IQCF3: variants seen among roughly 807,000 people sequenced by gnomAD.
The protein encoded by IQCF3 is IQ motif containing F3.
In IQCF3, 7 loss-of-function variants were observed where a neutral mutation model predicts 5.1. The ratio of observed to expected loss-of-function variants is 1.36; its 90% CI spans 0.78 to 2.56. IQCF3 has a LOEUF of 2.56. Ranked by LOEUF, IQCF3 falls within the 30% of genes most tolerant of loss-of-function variation. The pLI, the probability that IQCF3 is intolerant of heterozygous loss-of-function variation, is 0.00. For synonymous variants in IQCF3, 82 were observed against 72.8 expected (o/e 1.13, Z -0.64); for missense variants, 189 against 196.5 (o/e 0.96, Z 0.23).
rs778544570 is a variant in IQCF3 at position 51,830,662 on chromosome 3, A to C, written c.326A>C (p.Tyr109Ser). Residue 109 changes from tyrosine (Y) to serine (S), a missense_variant, in exon 3 of 3, where the codon TAC becomes TCC. Physicochemically the swap from Tyr to Ser is moderately radical, Grantham distance 144. Coordinates refer to ENST00000440739, the MANE Select transcript of IQCF3 (RefSeq NM_001393887.1). This position sits in a 1 kb window ranked among gnomAD's most constrained non-coding sequence, Gnocchi z 4.1. ...CIRMWQCRQC[Y>S]RQMCNALCLF... Reference sequence around the variant, plus strand: ...CGCATGTGGCAGTGCCGGCAATGTTACCGCCAAATGTGCAATGCTCTCTGC... The same window carrying C: ...CGCATGTGGCAGTGCCGGCAATGTTCCCGCCAAATGTGCAATGCTCTCTGC... The C allele has an allele frequency of 1.9e-6, 3 of 1,614,022 alleles. No individual in the cohort carries two copies. The Admixed American group carries it at 5.0e-5, about 27-fold the overall frequency.
upstream of IQCF3, among the ~76,000 whole-genome samples, chr3:51,827,980 GAGACAATT>G (rs1281020802): frequency 6.6e-6 from 1 of 152,168 alleles, no homozygotes; most frequent in African/African-American, 2.4e-5. Flanking sequence ...GCAGAACTGT[GAGACAATT>G]AAACCTCTTT....
chr3:51,827,055 A>G (rs1481125859), upstream of IQCF3: 1 of 152,618 alleles, frequency 6.6e-6, no homozygotes, highest in African/African-American at 2.4e-5. Flanking sequence ...ACAGTGGTGC[A>G]GCGGTCCATG....
chr3:51,830,327 A>C lies in IQCF3; in HGVS notation c.67-76A>C, dbSNP rs1287956895. 53 of 1,491,692 alleles carry C rather than the reference A, an allele frequency of 3.6e-5. No homozygotes were observed. The highest frequency in any genetic ancestry group is 4.7e-5 in the Non-Finnish European group (52 of 1,115,712). The allele number at this position is 1,491,692 out of a possible 1,614,324, so 92.4% of individuals were successfully genotyped here. A position where few individuals can be genotyped will look rare whatever the true frequency, so the allele number is the denominator to read the frequency against. ...CTGGGTCCTCAAAACCAGCAGGGAG[A>C]GGGCTGATTCTTTAGAGAACCACCT... On this transcript the variant is annotated intron_variant, in intron 2 of 2. Coordinates refer to ENST00000440739, the MANE Select transcript of IQCF3 (RefSeq NM_001393887.1). This position sits in a 1 kb window ranked among gnomAD's most constrained non-coding sequence, Gnocchi z 4.1.
upstream of IQCF3, among the ~76,000 whole-genome samples, chr3:51,827,914 CTTGGTTTCCTGTTCCTATG>C (rs761156271): frequency 1.8e-4 from 27 of 152,076 alleles, no homozygotes; most frequent in Non-Finnish European, 3.8e-4. Context: ...ATATGTGGTA[CTTGGTTTCCTGTTCCTATG>C]TTGGTTTACT....
chr3:51,829,886 T>C, intron 2 of IQCF3, 174 bp downstream of exon 2: 2 of 653,116 alleles, frequency 3.1e-6, no homozygotes, highest in South Asian at 3.8e-5. Flanking sequence ...GGGAGGAAGT[T>C]TCGTGCGCAC....
chr3:51,826,936 A>C (rs1382793482), upstream of IQCF3: 4 of 152,576 alleles, frequency 2.6e-5, no homozygotes, highest in African/African-American at 9.7e-5. Context: ...TCCAGTAAGT[A>C]GGAGAGTCCT....
At chr3:51,829,595 G>C in intron 1 of IQCF3, 70 bp from the exon 2 acceptor site, 1 of 1,597,530 alleles carries the variant, frequency 6.3e-7, no homozygotes, top group Non-Finnish European at 8.5e-7. Flanking sequence ...ATGGGGAACT[G>C]GGCCTGTGGG....
Position 51,829,643 on chromosome 3 carries a change from C to G in IQCF3, c.19-22C>G, listed in dbSNP as rs371101520. The G allele has an allele frequency of 3.2e-5, 51 of 1,613,044 alleles. No individual in the cohort carries two copies. The African/African-American group carries it at 5.3e-4, about 17-fold the overall frequency. ...AGGCTGGTCCTCACCCATGCTCCCC[C>G]ACACCCATATTCCGATTGCAGAAAG... is the stretch of plus-strand genomic sequence containing the variant. On this transcript the variant is annotated intron_variant, in intron 1 of 2. Coordinates refer to ENST00000440739, the MANE Select transcript of IQCF3 (RefSeq NM_001393887.1).
rs1325700313 is a variant in IQCF3, at chr3:51,830,656, A to C, written c.320A>C (p.Gln107Pro). The change falls in exon 3 of 3, where the codon CAA becomes CCA. Residue 107 changes from glutamine (Q) to proline (P), a missense_variant. Coordinates refer to ENST00000440739, the MANE Select transcript of IQCF3 (RefSeq NM_001393887.1). The surrounding 1 kb of genome is among the most constrained non-coding windows in gnomAD (Gnocchi z 4.1). ...TGCATCCGCATGTGGCAGTGCCGGC[A>C]ATGTTACCGCCAAATGTGCAATGCT... ...QSCIRMWQCR[Q>P]CYRQMCNALC... 1 of 1,614,012 alleles carries C rather than the reference A, an allele frequency of 6.2e-7. No individual in the cohort carries two copies. The highest frequency in any genetic ancestry group is 1.7e-5 in the Admixed American group (1 of 60,028).
rs371775341 is a variant in IQCF3, at chr3:51,830,484, C to T, written c.148C>T (p.Arg50Cys). The T allele has an allele frequency of 3.6e-5, 58 of 1,612,330 alleles. No individual in the cohort carries two copies. Among genetic ancestry groups the T allele is most frequent in the African/African-American group, 2.0e-4 (15 of 74,926 alleles). Reference sequence around the variant, plus strand: ...GGCCTGGTGGCGTGGGGTCCTGGTGCGCAGGACCCTGCTGGTTGCTGCCCT... The same window carrying T: ...GGCCTGGTGGCGTGGGGTCCTGGTGTGCAGGACCCTGCTGGTTGCTGCCCT... ...IQAWWRGVLV[R>C]RTLLVAALRA... Residue 50 changes from arginine (R) to cysteine (C), a missense_variant, in exon 3 of 3, where the codon CGC becomes TGC. Arg to Cys is a radical substitution (Grantham distance 180). Transcript: ENST00000440739. The surrounding 1 kb of genome is among the most constrained non-coding windows in gnomAD (Gnocchi z 4.1).
upstream of IQCF3, among the ~76,000 whole-genome samples, chr3:51,827,975 A>C (rs1577606831): frequency 6.6e-6 from 1 of 152,122 alleles, no homozygotes; most frequent in Non-Finnish European, 1.5e-5. Flanking sequence ...AGCCTGCAGA[A>C]CTGTGAGACA....
At position 51,830,708 on chromosome 3, in the gene IQCF3, C is replaced by T; in HGVS notation, c.372C>T (p.Ser124=). The T allele has an allele frequency of 1.2e-6, 2 of 1,613,974 alleles. No individual in the cohort carries two copies. The highest frequency in any genetic ancestry group is 1.7e-6 in the Non-Finnish European group (2 of 1,179,858). ...NALCLFQVPE[S]SLAFQTDGFL... is the part of the protein sequence containing the mutation. ...TCTGCTTGTTCCAGGTCCCAGAGAGCAGCCTTGCCTTCCAGACTGATGGCT... is the reference window on the plus strand; with the variant it reads ...TCTGCTTGTTCCAGGTCCCAGAGAGTAGCCTTGCCTTCCAGACTGATGGCT... Residue 124 remains serine, a synonymous_variant, in exon 3 of 3, where the codon AGC becomes AGT. Coordinates refer to ENST00000440739, the MANE Select transcript of IQCF3 (RefSeq NM_001393887.1). This position sits in a 1 kb window ranked among gnomAD's most constrained non-coding sequence, Gnocchi z 4.1.
intron 2 of IQCF3, 159 bp downstream of exon 2, chr3:51,829,871 A>G: frequency 2.8e-6 from 2 of 717,652 alleles, no homozygotes; most frequent in Non-Finnish European, 4.7e-6. Flanking sequence ...GATAGACAGT[A>G]AAAGGGGAGG....
chr3:51,829,736 G>C (rs1405970549), intron 2 of IQCF3, 24 bp downstream of exon 2: 9 of 1,608,472 alleles, frequency 5.6e-6, no homozygotes, highest in Non-Finnish European at 6.8e-6. Context: ...AGGAGGGTGA[G>C]AGAATTGCAG....
rs796313827 is a variant in IQCF3, at chr3:51,830,508, C to T, written c.172C>T (p.Leu58Phe). 1 of 1,613,972 alleles carries T rather than the reference C, an allele frequency of 6.2e-7. No homozygotes were observed. Among genetic ancestry groups the T allele is most frequent in the Middle Eastern group, 1.6e-4 (1 of 6,062 alleles). ...GCGCAGGACCCTGCTGGTTGCTGCC[C>T]TCAGGGCCTGGATGATTCAGTGCTG... ...LVRRTLLVAA[L>F]RAWMIQCWWR... The change falls in exon 3 of 3, where the codon CTC becomes TTC. Residue 58 changes from leucine (L) to phenylalanine (F), a missense_variant. Physicochemically the swap from Leu to Phe is conservative, Grantham distance 22. Transcript: ENST00000440739. The surrounding 1 kb of genome is among the most constrained non-coding windows in gnomAD (Gnocchi z 4.1).
upstream of IQCF3, chr3:51,827,408 G>C (rs375509714): frequency 6.6e-6 from 1 of 152,108 alleles, no homozygotes; most frequent in African/African-American, 2.4e-5. Context: ...AATCATAGGA[G>C]AAATATACAG....
intron 2 of IQCF3, 46 bp downstream of exon 2, chr3:51,829,758 T>G: frequency 6.3e-7 from 1 of 1,576,586 alleles, no homozygotes; most frequent in Non-Finnish European, 8.7e-7. Context: ...TCATTGACTC[T>G]TTGATCCCAG....
At position 51,830,533 on chromosome 3, in the gene IQCF3, G is replaced by C. The variant is rs1278333716; in HGVS notation, c.197G>C (p.Trp66Ser). The C allele has an allele frequency of 6.8e-6, 11 of 1,613,900 alleles. No homozygotes were observed. Among genetic ancestry groups the C allele is most frequent in the African/African-American group, 1.3e-5 (1 of 74,928 alleles). ...AALRAWMIQC[W>S]WRTLVQRRIR... ...CTCAGGGCCTGGATGATTCAGTGCT[G>C]GTGGAGGACGTTGGTGCAGAGACGG... Residue 66 changes from tryptophan to serine, a missense_variant, in exon 3 of 3, where the codon TGG becomes TCG. Transcript: ENST00000440739. The surrounding 1 kb of genome is among the most constrained non-coding windows in gnomAD (Gnocchi z 4.1).
upstream of IQCF3, among the ~76,000 whole-genome samples, chr3:51,827,984 C>A (rs1303019038): frequency 1.3e-5 from 2 of 152,262 alleles, no homozygotes; most frequent in African/African-American, 4.8e-5. Flanking sequence ...AACTGTGAGA[C>A]AATTAAACCT....
Sources: gnomAD v4.1 joint callset for allele counts (sites outside exome capture counted in the v4.1 genomes callset) on GRCh38, gnomAD v4.1.1 for gene constraint, Gnocchi (gnomAD v3.1) non-coding constraint, MANE v1.5 for transcripts, NCBI Gene and HGNC (gene_info 2026-07-23, HGNC 2026-07-21) for gene names.